The following APP variants were observed in gnomAD, a reference collection of about 807,000 sequenced individuals.
The protein encoded by APP is amyloid beta precursor protein.
APP carries 31 observed loss-of-function variants against 101.4 expected under a neutral mutation model. That is an observed-to-expected ratio of 0.31 (90% confidence interval 0.23 to 0.41). The LOEUF is 0.41. APP is among the 10% of genes least tolerant of loss of function. The probability of loss-of-function intolerance (pLI) is 1.00; values close to 1 mark genes in which losing one functional copy is unlikely to be tolerated. For synonymous variants in APP, 366 were observed against 364.4 expected (o/e 1.00, Z -0.05); for missense variants, 839 against 1,003.7 (o/e 0.84, Z 2.22).
intron 1 of APP, among the ~76,000 whole-genome samples, chr21:26,163,873 A>T (rs189391522): frequency 2.0e-3 from 306 of 152,340 alleles, no homozygotes; most frequent in Non-Finnish European, 3.1e-3. Flanking sequence ...TTTTAAAAAA[A>T]ATATATAATT....
At chr21:26,119,711 C>T (rs1460191009) in intron 1 of APP, among the ~76,000 whole-genome samples, 1 of 141,782 alleles carries the variant, frequency 7.1e-6, no homozygotes, top group Non-Finnish European at 1.6e-5. Flanking sequence ...CACACATATA[C>T]ACACAGTTTA....
chr21:25,948,240 A>C (rs1000718851), intron 13 of APP, among the ~76,000 whole-genome samples: 1 of 150,992 alleles, frequency 6.6e-6, no homozygotes, highest in Non-Finnish European at 1.5e-5. Context: ...TTAAATTTCT[A>C]TTTTGTTGGG....
intron 17 of APP, among the ~76,000 whole-genome samples, chr21:25,885,925 C>T (rs1465092070): frequency 6.6e-6 from 1 of 152,094 alleles, no homozygotes; most frequent in Non-Finnish European, 1.5e-5. Flanking sequence ...CCTCCTATTG[C>T]CCCTAGAGTA....
chr21:25,989,426 C>T (rs766196012), intron 8 of APP, among the ~76,000 whole-genome samples: 1 of 152,178 alleles, frequency 6.6e-6, no homozygotes, highest in African/African-American at 2.4e-5. Flanking sequence ...TTTTGATATG[C>T]ATTTGTTTCC....
intron 5 of APP, among the ~76,000 whole-genome samples, chr21:26,047,863 C>T (rs903660095): frequency 6.6e-5 from 10 of 152,092 alleles, no homozygotes; most frequent in African/African-American, 2.4e-4. Flanking sequence ...AGTGTTAAGA[C>T]TTCTTACGAA....
chr21:25,980,944 A>G (rs554002874), intron 9 of APP, among the ~76,000 whole-genome samples: 6 of 152,316 alleles, frequency 3.9e-5, no homozygotes, highest in African/African-American at 1.4e-4. Flanking sequence ...GGAAAGAATG[A>G]GCGAAGCAGG....
At position 25,891,883 on chromosome 21, in the gene APP, A is replaced by G. The variant is rs199528897; in HGVS notation, c.2065-15T>C. The G allele has an allele frequency of 3.7e-6, 6 of 1,610,530 alleles. No individual in the cohort carries two copies. The African/African-American group carries it at 6.7e-5, about 18-fold the overall frequency. ...GCAAAGAACACCTTGAAAACAAATT[A>G]AGAAAAAGAATTTTAATTTCTAAAT... On this transcript the variant is annotated splice_polypyrimidine_tract_variant and intron_variant, in intron 16 of 17. Coordinates refer to ENST00000346798, the MANE Select transcript of APP (RefSeq NM_000484.4).
At chr21:26,001,251 C>G (rs1403783834) in intron 6 of APP, among the ~76,000 whole-genome samples, 1 of 152,202 alleles carries the variant, frequency 6.6e-6, no homozygotes, top group African/African-American at 2.4e-5. Context: ...GCCTCAAAGT[C>G]AATCAGTGAC....
intron 1 of APP, among the ~76,000 whole-genome samples, chr21:26,147,863 A>AC (rs766678916): frequency 1.3e-4 from 20 of 150,766 alleles, no homozygotes; most frequent in African/African-American, 1.7e-4. Flanking sequence ...TCCCTCCCCA[A>AC]CCCCCCCAAA....
At chr21:26,006,616 C>T (rs1381258428) in intron 6 of APP, among the ~76,000 whole-genome samples, 4 of 152,130 alleles carry the variant, frequency 2.6e-5, no homozygotes, top group Non-Finnish European at 1.5e-5. Context: ...TAATGCTCAA[C>T]CACAAAAAAT....
At chr21:26,083,227 C>T (rs934054512) in intron 3 of APP, among the ~76,000 whole-genome samples, 1 of 152,118 alleles carries the variant, frequency 6.6e-6, no homozygotes, top group Non-Finnish European at 1.5e-5. Context: ...AATTTATCTA[C>T]CAGGATGTTT....
intron 17 of APP, among the ~76,000 whole-genome samples, chr21:25,885,453 A>G (rs2037261793): frequency 6.6e-6 from 1 of 152,230 alleles, no homozygotes; most frequent in African/African-American, 2.4e-5. Flanking sequence ...TGATAAGACA[A>G]TGAAGTCAGA....
intron 6 of APP, among the ~76,000 whole-genome samples, chr21:26,009,222 T>C (rs946879679): frequency 3.3e-5 from 5 of 152,222 alleles, no homozygotes; most frequent in Non-Finnish European, 5.9e-5. Context: ...TACACATATA[T>C]TTGGGAAAAG....
chr21:26,134,916 T>C (rs1006578940), intron 1 of APP, among the ~76,000 whole-genome samples: 1 of 152,206 alleles, frequency 6.6e-6, no homozygotes, highest in Non-Finnish European at 1.5e-5. Context: ...AAGATATTTG[T>C]TCTTCCTTAA....
At chr21:26,166,882 GAGAGAGAGAGAGAGAGAGAGAGAA>G (rs903741367) in intron 1 of APP, among the ~76,000 whole-genome samples, 32 of 88,092 alleles carry the variant, frequency 3.6e-4, no homozygotes, top group African/African-American at 1.2e-3. Flanking sequence ...GAGAGAGAGA[GAGAGAGAGAGAGAGAGAGAGAGAA>G]AGAGAGAGAA....
intron 17 of APP, among the ~76,000 whole-genome samples, chr21:25,891,145 G>C (rs1423758315): frequency 1.3e-5 from 2 of 151,978 alleles, no homozygotes; most frequent in African/African-American, 4.8e-5. Context: ...GGAAGTGCAG[G>C]GTAATAGGTT....
chr21:25,973,441 A>C (rs2042108692), intron 11 of APP, among the ~76,000 whole-genome samples: 2 of 152,242 alleles, frequency 1.3e-5, no homozygotes, highest in Admixed American at 1.3e-4. Flanking sequence ...TTAATATTAA[A>C]GTAGATTTTG....
chr21:26,076,259 G>A (rs1345831332), intron 3 of APP, among the ~76,000 whole-genome samples: 5 of 152,060 alleles, frequency 3.3e-5, no homozygotes, highest in Non-Finnish European at 2.9e-5. Context: ...TCCACATCAT[G>A]GGTCTACTTT....
chr21:26,075,157 C>A (rs1387701929), intron 3 of APP, among the ~76,000 whole-genome samples: 1 of 152,186 alleles, frequency 6.6e-6, no homozygotes, highest in Non-Finnish European at 1.5e-5. Context: ...TATTTGGCTA[C>A]ATCCTCAATT....
Sources: allele counts gnomAD v4.1 joint callset (sites outside exome capture counted in the v4.1 genomes callset), GRCh38; gene constraint gnomAD v4.1.1; transcripts MANE v1.5; gene names NCBI Gene and HGNC (gene_info 2026-07-23, HGNC 2026-07-21).